Variants in GRIN2A observed in about 807,000 individuals in gnomAD.
GRIN2A encodes glutamate receptor ionotropic, NMDA 2A.
GRIN2A carries 22 observed loss-of-function variants against 113.4 expected under a neutral mutation model. The observed-to-expected ratio is 0.19, with a 90% CI of 0.14 to 0.28. The LOEUF is 0.28. GRIN2A is among the 10% of genes least tolerant of loss of function. GRIN2A has a pLI of 1.00. For synonymous variants in GRIN2A, 827 were observed against 738.4 expected, an observed-to-expected ratio of 1.12 and a Z score of -1.94; for missense variants, 1,502 against 1,887.0, an observed-to-expected ratio of 0.80 and a Z score of 3.78.
At chr16:9,892,074 C>G (rs1164070068) in intron 3 of GRIN2A, among the ~76,000 whole-genome samples, 1 of 151,834 alleles carries the variant, frequency 6.6e-6, no homozygotes, top group African/African-American at 2.4e-5. Context: ...ACTAAAAATA[C>G]AAAAAAATTA....
intron 12 of GRIN2A, 108 bp from the exon 13 acceptor site, chr16:9,765,056 G>T: frequency 1.4e-6 from 2 of 1,444,350 alleles, no homozygotes; most frequent in Non-Finnish European, 1.9e-6. Flanking sequence ...TCTTGCAGGA[G>T]CCCTGGAGAA....
rs771068226 is a variant in GRIN2A, at chr16:10,180,118, G to A, written c.294C>T (p.Leu98=). The change falls in exon 2 of 13, where the codon CTC becomes CTT. Residue 98 remains leucine, a synonymous_variant. Transcript: ENST00000330684. The surrounding 1 kb of genome is among the most constrained non-coding windows in gnomAD (Gnocchi z 7.0). ...CCTGGTCCGTGTCGTCCCCAAACAC[G>A]AGGCCGTGGATGCGTGCCCCGGACA... The part of the protein sequence containing the change: ...DLMSGARIHG[L]VFGDDTDQEA... 5.6e-6 allele frequency: 9 copies of A among 1,614,096 alleles called. No homozygotes were observed. The highest frequency in any genetic ancestry group is 1.3e-5 in the African/African-American group (1 of 74,942).
At chr16:10,026,121 A>T (rs1354414153) in intron 2 of GRIN2A, among the ~76,000 whole-genome samples, 1 of 152,194 alleles carries the variant, frequency 6.6e-6, no homozygotes, top group Non-Finnish European at 1.5e-5. Context: ...GAGCATGAGG[A>T]CACAGAAAGG....
At chr16:10,068,472 G>T (rs556018930) in intron 2 of GRIN2A, among the ~76,000 whole-genome samples, 3 of 152,292 alleles carry the variant, frequency 2.0e-5, no homozygotes, top group African/African-American at 7.2e-5. Context: ...GTAAGTCTTG[G>T]GGGGAAGTGC....
At chr16:9,934,153 C>A (rs954192227) in intron 3 of GRIN2A, among the ~76,000 whole-genome samples, 1 of 152,028 alleles carries the variant, frequency 6.6e-6, no homozygotes, top group East Asian at 1.9e-4. Context: ...AGCTTTGTTC[C>A]CTATGATGAA....
chr16:10,016,247 A>G (rs1244819378), intron 2 of GRIN2A, among the ~76,000 whole-genome samples: 1 of 152,102 alleles, frequency 6.6e-6, no homozygotes, highest in Non-Finnish European at 1.5e-5. Flanking sequence ...GGGGACAGTC[A>G]GGAAAGACAC....
intron 11 of GRIN2A, among the ~76,000 whole-genome samples, chr16:9,773,440 G>T (rs1229666911): frequency 6.6e-6 from 1 of 152,152 alleles, no homozygotes; most frequent in Non-Finnish European, 1.5e-5. Context: ...AAAAGAGGCC[G>T]TGATCTTTGT....
intron 11 of GRIN2A, among the ~76,000 whole-genome samples, chr16:9,784,450 A>AAAAC (rs1039429161): frequency 1.0e-3 from 154 of 148,396 alleles, no homozygotes; most frequent in African/African-American, 3.9e-3. Context: ...CCAAAAAAAA[A>AAAAC]AAACAAACAA....
chr16:9,954,919 A>T (rs115618098), intron 2 of GRIN2A, among the ~76,000 whole-genome samples: 1 of 152,142 alleles, frequency 6.6e-6, no homozygotes, highest in African/African-American at 2.4e-5. Flanking sequence ...GTAAGTTTGT[A>T]CCAAGTGGCG....
At chr16:9,914,904 GC>G (rs200078729) in intron 3 of GRIN2A, among the ~76,000 whole-genome samples, 2 of 48,716 alleles carry the variant, frequency 4.1e-5, no homozygotes, top group African/African-American at 1.4e-4. Context: ...TGATTATGCA[GC>G]TTTTTTTTTT....
At chr16:10,004,644 T>G (rs1340312466) in intron 2 of GRIN2A, among the ~76,000 whole-genome samples, 1 of 152,198 alleles carries the variant, frequency 6.6e-6, no homozygotes, top group Non-Finnish European at 1.5e-5. Context: ...CATGGCCCCT[T>G]CCTCCATCTT....
intron 4 of GRIN2A, among the ~76,000 whole-genome samples, chr16:9,866,567 G>A (rs2043163260): frequency 6.6e-6 from 1 of 152,170 alleles, no homozygotes. Flanking sequence ...AGTTGAAATT[G>A]GCAATTGGCC....
chr16:9,844,641 C>T (rs916410506), intron 5 of GRIN2A, among the ~76,000 whole-genome samples: 6 of 152,158 alleles, frequency 3.9e-5, no homozygotes, highest in South Asian at 2.1e-4. Context: ...CCAGTATAGC[C>T]GGTGGATGTG....
rs1555482427 is a variant in GRIN2A at position 9,764,090 on chromosome 16, G to C, written c.3454C>G (p.Gln1152Glu). The change falls in exon 13 of 13, where the codon CAG becomes GAG. Residue 1152 changes from glutamine to glutamate, a missense_variant. Physicochemically the swap from Gln to Glu is conservative, Grantham distance 29 (BLOSUM62 2). Transcript: ENST00000330684. Reference sequence around the variant, plus strand: ...TTGCGGAAGTTTTCACTGGGATCCTGGTAGGGGTCCGGGAAGTCCACGTTC... The same window carrying C: ...TTGCGGAAGTTTTCACTGGGATCCTCGTAGGGGTCCGGGAAGTCCACGTTC... ...PENVDFPDPY[Q>E]DPSENFRKGD... 1 of 1,613,614 alleles carries C rather than the reference G, an allele frequency of 6.2e-7. No individual in the cohort carries two copies. Among genetic ancestry groups the C allele is most frequent in the Non-Finnish European group, 8.5e-7 (1 of 1,179,590 alleles).
intron 3 of GRIN2A, among the ~76,000 whole-genome samples, chr16:9,924,781 C>G (rs2044424560): frequency 6.6e-6 from 1 of 152,006 alleles, no homozygotes; most frequent in Non-Finnish European, 1.5e-5. Flanking sequence ...TTTTTTTCTT[C>G]TTCAATGTCA....
intron 2 of GRIN2A, among the ~76,000 whole-genome samples, chr16:9,973,002 C>T (rs188049592): frequency 1.3e-5 from 2 of 152,212 alleles, no homozygotes; most frequent in East Asian, 1.9e-4. Flanking sequence ...AATCACAGGG[C>T]GTTAAAATTG....
At chr16:9,832,033 C>A (rs114720734) in intron 8 of GRIN2A, among the ~76,000 whole-genome samples, 1 of 152,092 alleles carries the variant, frequency 6.6e-6, no homozygotes, top group Non-Finnish European at 1.5e-5. Flanking sequence ...ATTCTCCTAC[C>A]TCAGCCTTCT....
chr16:9,765,203 A>C (rs1194737362), intron 12 of GRIN2A, among the ~76,000 whole-genome samples: 1 of 152,212 alleles, frequency 6.6e-6, no homozygotes, highest in Non-Finnish European at 1.5e-5. Flanking sequence ...AGTTTGAGAA[A>C]AGGTATCAAC....
chr16:10,033,734 A>G (rs1167105612), intron 2 of GRIN2A: 2 of 152,348 alleles, frequency 1.3e-5, no homozygotes, highest in African/African-American at 4.8e-5. Context: ...AGCATGTGCG[A>G]CCAGCATTAA....
Sources: allele counts gnomAD v4.1 joint callset (sites outside exome capture counted in the v4.1 genomes callset), GRCh38; gene constraint gnomAD v4.1.1; non-coding constraint Gnocchi (gnomAD v3.1); transcripts MANE v1.5; gene names NCBI Gene and HGNC (gene_info 2026-07-23, HGNC 2026-07-21).